The following RERE variants were observed in gnomAD, a reference collection of about 807,000 sequenced individuals.
RERE encodes the protein arginine-glutamic acid dipeptide repeats protein.
RERE carries 40 observed loss-of-function variants against 146.1 expected under a neutral mutation model. That is an observed-to-expected ratio of 0.27 (90% confidence interval 0.21 to 0.36). The LOEUF (loss-of-function observed/expected upper bound fraction) is 0.36. Among genes scored for constraint, RERE ranks in the 10% least tolerant of loss-of-function variants. The pLI is 1.00. For missense variants in RERE, 1,933 were observed against 2,138.7 expected (o/e 0.90, Z 1.90); for synonymous variants, 1,003 against 866.0 (o/e 1.16, Z -2.78).
intron 4 of RERE, among the ~76,000 whole-genome samples, chr1:8,574,778 T>TA: frequency 6.6e-6 from 1 of 152,202 alleles, no homozygotes; most frequent in Non-Finnish European, 1.5e-5. Flanking sequence ...ACGCAGTTAG[T>TA]GGCTAGGAGA....
At chr1:8,680,551 A>T (rs550993277) in intron 1 of RERE, among the ~76,000 whole-genome samples, 6 of 152,278 alleles carry the variant, frequency 3.9e-5, no homozygotes, top group Non-Finnish European at 7.4e-5. Flanking sequence ...TGCCATATGG[A>T]TGGGGGAAAG....
In RERE at chr1:8,355,176, G is replaced by A. The variant is rs1373197419; in HGVS notation, c.4668-56C>T. On this transcript the variant is annotated intron_variant, in intron 22 of 22. Coordinates refer to ENST00000400908, the MANE Select transcript of RERE (RefSeq NM_001042681.2). ...GTCTCAGGCCTAGGCAGGCAGTCAC[G>A]CAGGCTGGAGGCAACCCCAAAGACA... 1.0e-5 allele frequency: 16 copies of A among 1,573,748 alleles called. No individual in the cohort carries two copies. In the East Asian group the frequency reaches 1.8e-4, roughly 18 times the overall value.
chr1:8,418,284 T>G (rs561364723), intron 12 of RERE, among the ~76,000 whole-genome samples: 2 of 152,328 alleles, frequency 1.3e-5, no homozygotes, highest in South Asian at 4.1e-4. Flanking sequence ...CAACTGGGAT[T>G]ACAAATGACA....
At chr1:8,403,663 G>A (rs1643342592) in intron 12 of RERE, among the ~76,000 whole-genome samples, 1 of 151,638 alleles carries the variant, frequency 6.6e-6, no homozygotes, top group South Asian at 2.1e-4. Context: ...ACAGCCCCCA[G>A]CCTATATTGC....
chr1:8,656,054 T>G lies in RERE; in HGVS notation c.244A>C (p.Lys82Gln). ...TCTGTCCTTTCATAACGAGACTTTT[T>G]TTTCGGTGGTTTCTTCTTATTCTTC... is the stretch of plus-strand genomic sequence containing the variant. ...TKKNKKKPPK[K>Q]KSRYERTDTG... The change falls in exon 2 of 23, where the codon AAA becomes CAA. Residue 82 changes from lysine to glutamine, a missense_variant. Physicochemically the swap from Lys to Gln is moderately conservative, Grantham distance 53 (BLOSUM62 1). Coordinates refer to ENST00000400908, the MANE Select transcript of RERE (RefSeq NM_001042681.2). 6.2e-7 allele frequency: 1 copy of G among 1,614,190 alleles called. No individual in the cohort carries two copies. Among genetic ancestry groups the G allele is most frequent in the South Asian group, 1.1e-5 (1 of 91,074 alleles).
intron 1 of RERE, among the ~76,000 whole-genome samples, chr1:8,685,517 C>G (rs752941498): frequency 6.6e-6 from 1 of 152,058 alleles, no homozygotes; most frequent in Non-Finnish European, 1.5e-5. Flanking sequence ...GTCAGGAGAT[C>G]TAGACCATCC....
chr1:8,354,134 T>C lies in RERE; in HGVS notation c.*953A>G, dbSNP rs1557578723. On this transcript the variant is annotated 3_prime_UTR_variant, in exon 23 of 23. Transcript: ENST00000400908. Reference sequence around the variant, plus strand: ...ACAATGGACACAGGCCCATGCGCTTTCCATCCCGTGGAAACAGAACAGTGA... The same window carrying C: ...ACAATGGACACAGGCCCATGCGCTTCCCATCCCGTGGAAACAGAACAGTGA... 6.6e-6 allele frequency: 1 copy of C among 152,466 alleles called. No individual in the cohort carries two copies. The highest frequency in any genetic ancestry group is 1.5e-5 in the Non-Finnish European group (1 of 68,044). 9.4% of individuals were successfully genotyped at this position (152,466 alleles called of 1,614,324 possible).
intron 12 of RERE, among the ~76,000 whole-genome samples, chr1:8,385,991 A>AAAAAAT (rs1642639147): frequency 3.3e-5 from 1 of 30,590 alleles, no homozygotes. Context: ...AAAAAAAAAA[A>AAAAAAT]AAATATATAT....
chr1:8,422,672 G>T, intron 12 of RERE, 55 bp downstream of exon 12: 2 of 1,263,478 alleles, frequency 1.6e-6, no homozygotes, highest in Non-Finnish European at 2.3e-6. Flanking sequence ...AATGTGGAGA[G>T]GCAGCAGGAG....
chr1:8,593,932 T>G (rs1646524905), intron 4 of RERE, among the ~76,000 whole-genome samples: 1 of 152,152 alleles, frequency 6.6e-6, no homozygotes, highest in Non-Finnish European at 1.5e-5. Flanking sequence ...ACCTGAGGTT[T>G]AGGTCACTCT....
intron 2 of RERE, among the ~76,000 whole-genome samples, chr1:8,645,946 T>G (rs1480834615): frequency 6.6e-6 from 1 of 152,208 alleles, no homozygotes; most frequent in Non-Finnish European, 1.5e-5. Context: ...AATTAAAAGT[T>G]AACTAATGTA....
intron 1 of RERE, among the ~76,000 whole-genome samples, chr1:8,668,281 G>A (rs759352292): frequency 1.3e-5 from 2 of 152,170 alleles, no homozygotes; most frequent in Admixed American, 6.5e-5. Flanking sequence ...GGTGAATTAG[G>A]AGAACATAAT....
chr1:8,533,945 T>C (rs1645690767), intron 7 of RERE, among the ~76,000 whole-genome samples: 1 of 152,218 alleles, frequency 6.6e-6, no homozygotes, highest in African/African-American at 2.4e-5. Context: ...TCAGTAGGCT[T>C]TGTTTTCCAA....
intron 12 of RERE, among the ~76,000 whole-genome samples, chr1:8,375,988 G>C (rs1243747654): frequency 6.6e-6 from 1 of 152,094 alleles, no homozygotes; most frequent in Non-Finnish European, 1.5e-5. Flanking sequence ...CTCCCAAATA[G>C]ATAAACCTTC....
rs571432854 is a variant in RERE, at chr1:8,360,107, C to T, written c.3395+5G>A. The T allele has an allele frequency of 1.7e-5, 27 of 1,576,518 alleles. No homozygotes were observed. The highest frequency in any genetic ancestry group is 1.4e-4 in the Admixed American group (8 of 57,562). ...TGACCCGTCCTGGAGCCCTAGGAAG[C>T]GTACCTAGCTGACTGGCTGGCGTGA... On this transcript the variant is annotated splice_donor_5th_base_variant and intron_variant, in intron 18 of 22. Coordinates refer to ENST00000400908, the MANE Select transcript of RERE (RefSeq NM_001042681.2).
At chr1:8,365,600 T>C (rs2124378136) in intron 13 of RERE, among the ~76,000 whole-genome samples, 1 of 152,322 alleles carries the variant, frequency 6.6e-6, no homozygotes, top group Non-Finnish European at 1.5e-5. Context: ...AATGTACAAA[T>C]AATGTTTTAA....
intron 12 of RERE, among the ~76,000 whole-genome samples, chr1:8,374,257 GA>G (rs1467910351): frequency 6.6e-6 from 1 of 152,250 alleles, no homozygotes; most frequent in African/African-American, 2.4e-5. Context: ...GGAAGTACGT[GA>G]AGGTCTTGTG....
At chr1:8,484,472 C>CTGGA (rs914711275) in intron 10 of RERE, among the ~76,000 whole-genome samples, 1 of 150,112 alleles carries the variant, frequency 6.7e-6, no homozygotes, top group African/African-American at 2.4e-5. Context: ...GTCGCCCAGG[C>CTGGA]TGGAGTGCAG....
intron 1 of RERE, among the ~76,000 whole-genome samples, chr1:8,661,931 C>T (rs894617226): frequency 4.6e-5 from 7 of 152,318 alleles, no homozygotes; most frequent in South Asian, 2.1e-4. Context: ...TTATTGCTCA[C>T]GCTTGAGTGC....
Sources: gnomAD v4.1 joint callset for allele counts (sites outside exome capture counted in the v4.1 genomes callset) on GRCh38, gnomAD v4.1.1 for gene constraint, MANE v1.5 for transcripts, NCBI Gene and HGNC (gene_info 2026-07-23, HGNC 2026-07-21) for gene names.